RNGTT: variants seen among roughly 807,000 people sequenced by gnomAD.
RNGTT encodes RNA guanylyltransferase and 5'-phosphatase, also known as mRNA-capping enzyme.
Under a neutral mutation model 79.3 loss-of-function variants are expected in RNGTT, and 33 were observed. The ratio of observed to expected loss-of-function variants is 0.42; its 90% confidence interval spans 0.32 to 0.56. The LOEUF (loss-of-function observed/expected upper bound fraction) is 0.56, where lower values mean the gene tolerates loss of function less well. RNGTT is among the 20% of genes least tolerant of loss of function. The pLI is 0.17. For missense variants in RNGTT, 497 were observed against 739.1 expected (o/e 0.67, Z 3.80); for synonymous variants, 222 against 235.9 (o/e 0.94, Z 0.54).
At chr6:88,771,827 G>A (rs1200321168) in intron 12 of RNGTT, among the ~76,000 whole-genome samples, 1 of 151,798 alleles carries the variant, frequency 6.6e-6, no homozygotes, top group Non-Finnish European at 1.5e-5. Flanking sequence ...ATTCAGTTTT[G>A]CTTCTATACA....
At chr6:88,843,894 A>G (rs1346119209) in intron 11 of RNGTT, among the ~76,000 whole-genome samples, 10 of 150,224 alleles carry the variant, frequency 6.7e-5, no homozygotes, top group Non-Finnish European at 1.3e-4. Context: ...CAACAAAAAT[A>G]CTAAAAGAAA....
rs1772043076 is a variant in RNGTT at position 88,611,988 on chromosome 6, A to T, written c.*731T>A. On this transcript the variant is annotated 3_prime_UTR_variant, in exon 16 of 16. Transcript: ENST00000369485. ...TGGTGGTGTATGTCCAAGTTCCATG[A>T]AGTAACTCAAAACCACTGCCAGAAT... 6.6e-6 allele frequency: 1 copy of T among 152,570 alleles called. No individual in the cohort carries two copies. Among genetic ancestry groups the T allele is most frequent in the African/African-American group, 2.4e-5 (1 of 41,456 alleles). The allele number at this position is 152,570 out of a possible 1,614,324, so 9.5% of individuals were successfully genotyped here.
chr6:88,869,016 A>T (rs1782271570), intron 8 of RNGTT, among the ~76,000 whole-genome samples: 1 of 152,186 alleles, frequency 6.6e-6, no homozygotes, highest in Admixed American at 6.5e-5. Context: ...CATTATTTTA[A>T]ATTTAGAAAT....
chr6:88,744,118 A>G (rs1387796285), intron 13 of RNGTT, among the ~76,000 whole-genome samples: 1 of 152,218 alleles, frequency 6.6e-6, no homozygotes, highest in Non-Finnish European at 1.5e-5. Flanking sequence ...TCATTATCAA[A>G]CAAGCTTTCA....
chr6:88,763,791 C>G (rs1167932683), intron 13 of RNGTT, among the ~76,000 whole-genome samples: 4 of 152,156 alleles, frequency 2.6e-5, no homozygotes, highest in African/African-American at 9.7e-5. Context: ...TCCAAGGTGT[C>G]AGAGACAAGT....
intron 12 of RNGTT, among the ~76,000 whole-genome samples, chr6:88,786,678 A>G (rs1779239040): frequency 6.6e-6 from 1 of 152,228 alleles, no homozygotes; most frequent in Non-Finnish European, 1.5e-5. Flanking sequence ...ACAAACAGAT[A>G]ATTTTTTCCT....
chr6:88,714,511 C>T (rs1159998302), intron 13 of RNGTT: 2 of 88,312 alleles, frequency 2.3e-5, no homozygotes, highest in East Asian at 4.6e-4. Flanking sequence ...GGCGGGATCT[C>T]GGCTCACTGC....
intron 13 of RNGTT, among the ~76,000 whole-genome samples, chr6:88,741,355 C>T (rs56411284): frequency 6.6e-5 from 10 of 152,174 alleles, no homozygotes; most frequent in African/African-American, 1.4e-4. Context: ...CCGAATACCA[C>T]GTGTTCTCAC....
chr6:88,924,382 A>C (rs776763954), intron 4 of RNGTT, among the ~76,000 whole-genome samples: 3 of 152,136 alleles, frequency 2.0e-5, no homozygotes, highest in Non-Finnish European at 4.4e-5. Context: ...ATTGTTTTCC[A>C]TAATTTTCTA....
chr6:88,711,018 C>T (rs2127807151), intron 13 of RNGTT, among the ~76,000 whole-genome samples: 1 of 152,188 alleles, frequency 6.6e-6, no homozygotes. Flanking sequence ...TTTCTAATTT[C>T]AAATGAACAG....
intron 4 of RNGTT, among the ~76,000 whole-genome samples, chr6:88,907,387 C>T (rs1340013581): frequency 6.8e-6 from 1 of 147,118 alleles, no homozygotes; most frequent in African/African-American, 2.6e-5. Context: ...CCTTCACATG[C>T]CCTCTCTCTC....
chr6:88,841,683 C>T (rs531267974), intron 11 of RNGTT, among the ~76,000 whole-genome samples: 1 of 152,124 alleles, frequency 6.6e-6, no homozygotes, highest in Non-Finnish European at 1.5e-5. Flanking sequence ...GTACTCATAA[C>T]CCAGTATCAA....
intron 14 of RNGTT, among the ~76,000 whole-genome samples, chr6:88,636,900 C>T (rs1005468887): frequency 6.6e-6 from 1 of 151,608 alleles, no homozygotes; most frequent in African/African-American, 2.4e-5. Flanking sequence ...AAGAATACTA[C>T]AAGAGAATAT....
chr6:88,745,045 T>C (rs942949261), intron 13 of RNGTT, among the ~76,000 whole-genome samples: 1 of 152,144 alleles, frequency 6.6e-6, no homozygotes, highest in Non-Finnish European at 1.5e-5. Flanking sequence ...CAGTGATAAT[T>C]TTTGCACGCA....
At position 88,724,639 on chromosome 6, in the gene RNGTT, G is replaced by A. The variant is rs117278822; in HGVS notation, c.1439+45135C>T. Among the ~76,000 whole-genome samples the A allele has an allele frequency of 1.4e-4, 21 of 152,268 alleles. No individual in the cohort carries two copies. In the East Asian group the frequency reaches 2.3e-3, roughly 17 times the overall value. On this transcript the variant is annotated intron_variant, in intron 13 of 15. Coordinates refer to ENST00000369485, the MANE Select transcript of RNGTT (RefSeq NM_003800.5). ...AGCACATGACCTAGATCCCTCACAC[G>A]TGCAGTTCATAATAGAGTTCCTGCT...
intron 13 of RNGTT, among the ~76,000 whole-genome samples, chr6:88,766,282 A>G (rs190272214): frequency 3.3e-5 from 5 of 152,246 alleles, no homozygotes; most frequent in Admixed American, 3.3e-4. Context: ...TATACAAATA[A>G]TAAGTTTATA....
intron 4 of RNGTT, among the ~76,000 whole-genome samples, chr6:88,923,564 GAAAC>G (rs1249762741): frequency 1.3e-5 from 2 of 152,126 alleles, no homozygotes; most frequent in African/African-American, 4.8e-5. Context: ...GAGGAGCAGA[GAAAC>G]AGACGCAGGG....
At chr6:88,642,210 A>G (rs1773349063) in intron 14 of RNGTT, among the ~76,000 whole-genome samples, 1 of 152,190 alleles carries the variant, frequency 6.6e-6, no homozygotes, top group Non-Finnish European at 1.5e-5. Flanking sequence ...ACAGCAAATC[A>G]CTAACTACAA....
rs576762809 is a variant in RNGTT at position 88,610,964 on chromosome 6, A to C, written c.*1755T>G. 6 of 152,042 alleles carry C rather than the reference A, an allele frequency of 3.9e-5. No homozygotes were observed. In the East Asian group the frequency reaches 1.2e-3, roughly 29 times the overall value. 9.4% of individuals were successfully genotyped at this position (152,042 alleles called of 1,614,324 possible). A position where few individuals can be genotyped will look rare whatever the true frequency, so the allele number is the denominator to read the frequency against. The stretch of plus-strand genomic sequence containing the variant: ...TGCATAGGCATTTTTTTTTTAATCC[A>C]TTTTGTAAAAGATACTATGGAACCT... On this transcript the variant is annotated 3_prime_UTR_variant, in exon 16 of 16. Transcript: ENST00000369485.
Sources: gnomAD v4.1 joint callset for allele counts (sites outside exome capture counted in the v4.1 genomes callset) on GRCh38, gnomAD v4.1.1 for gene constraint, MANE v1.5 for transcripts, NCBI Gene and HGNC (gene_info 2026-07-23, HGNC 2026-07-21) for gene names.